The following ADAM19 variants were observed in gnomAD, a reference collection of about 807,000 sequenced individuals.
ADAM19 encodes the protein disintegrin and metalloproteinase domain-containing protein 19.
Under a neutral mutation model 114.7 loss-of-function variants are expected in ADAM19, and 65 were observed. The observed-to-expected ratio is 0.57, with a 90% confidence interval of 0.46 to 0.70. The LOEUF is 0.70. Ranked by LOEUF, ADAM19 falls within the 30% of genes least tolerant of loss-of-function variation. ADAM19 has a pLI of 0.00. For missense variants in ADAM19, 1,063 were observed against 1,204.7 expected, an observed-to-expected ratio of 0.88 and a Z score of 1.74; for synonymous variants, 466 against 460.5, an observed-to-expected ratio of 1.01 and a Z score of -0.15.
chr5:157,554,161 G>A (rs1757281520), intron 3 of ADAM19, among the ~76,000 whole-genome samples: 1 of 152,180 alleles, frequency 6.6e-6, no homozygotes, highest in African/African-American at 2.4e-5. Flanking sequence ...AGCTATTGTT[G>A]TTATCTGAAG....
rs1307456474 is a variant in ADAM19, at chr5:157,513,416, G to A, written c.738+18C>T. ...TGGCACCTGGCACCTTTCCCACAAA[G>A]TACACACCTGGTCTCACCTTATCAA... On this transcript the variant is annotated intron_variant, in intron 8 of 22. Transcript: ENST00000257527. 6.2e-7 allele frequency: 1 copy of A among 1,612,940 alleles called. No individual in the cohort carries two copies.
chr5:157,509,165 C>A (rs561417435), intron 9 of ADAM19, 136 bp downstream of exon 9: 15 of 837,974 alleles, frequency 1.8e-5, no homozygotes, highest in Non-Finnish European at 2.6e-5. Context: ...TTAGGAAATG[C>A]CTGATTCTCT....
chr5:157,478,649 C>T lies in ADAM19; in HGVS notation c.*2300G>A. 1.0e-6 allele frequency: 1 copy of T among 985,854 alleles called. No individual in the cohort carries two copies. The highest frequency in any genetic ancestry group is 1.2e-6 in the Non-Finnish European group (1 of 829,938). 61.1% of individuals were successfully genotyped at this position (985,854 alleles called of 1,614,324 possible). ...CCTGGGCAGCCTCCCTGAACAGAGCCAGGAGTGAAGCATTAGTAGAACTGG... is the reference window on the plus strand; with the variant it reads ...CCTGGGCAGCCTCCCTGAACAGAGCTAGGAGTGAAGCATTAGTAGAACTGG... On this transcript the variant is annotated 3_prime_UTR_variant, in exon 23 of 23. Transcript: ENST00000257527.
At chr5:157,486,122 G>C (rs1754923767) in intron 21 of ADAM19, among the ~76,000 whole-genome samples, 1 of 152,220 alleles carries the variant, frequency 6.6e-6, no homozygotes, top group African/African-American at 2.4e-5. Context: ...TGGAGACTGT[G>C]AGTGGCCCCA....
chr5:157,544,864 C>G (rs1446371758), intron 3 of ADAM19, among the ~76,000 whole-genome samples: 4 of 151,870 alleles, frequency 2.6e-5, no homozygotes, highest in African/African-American at 9.7e-5. Context: ...CCACAGAAAA[C>G]CTGAAGGGAA....
At chr5:157,499,538 C>T in intron 13 of ADAM19, 35 bp downstream of exon 13, 1 of 1,575,014 alleles carries the variant, frequency 6.3e-7, no homozygotes, top group Non-Finnish European at 8.7e-7. Context: ...CACTGTCAGG[C>T]CAGGGCCCAA....
Position 157,519,283 on chromosome 5 carries a change from C to G in ADAM19, c.601-395G>C, listed in dbSNP as rs143204860. On this transcript the variant is annotated intron_variant, in intron 6 of 22. Coordinates refer to ENST00000257527, the MANE Select transcript of ADAM19 (RefSeq NM_033274.5). ...GGACTGTGTGCATATGGTGTAGTGT[C>G]TACTCCAATAGGGAAAGCATACTTT... 4.2e-3 allele frequency among the ~76,000 whole-genome samples: 637 copies of G among 152,298 alleles called. 5 individuals are homozygous for G. Among genetic ancestry groups the G allele is most frequent in the African/African-American group, 0.014 (595 of 41,566 alleles).
Position 157,565,702 on chromosome 5 carries a change from C to T in ADAM19, c.181-1259G>A, listed in dbSNP as rs1030640165. ...CCAGCCTGGGTGACAGAGCGAGACA[C>T]TCTCTCTCAAAAAAAAAAAAAAATG... is the stretch of plus-strand genomic sequence containing the variant. On this transcript the variant is annotated intron_variant, in intron 2 of 22. Coordinates refer to ENST00000257527, the MANE Select transcript of ADAM19 (RefSeq NM_033274.5). Among the ~76,000 whole-genome samples, 6 of 144,300 alleles carry T rather than the reference C, an allele frequency of 4.2e-5. No homozygotes were observed. The East Asian group carries it at 6.0e-4, about 15-fold the overall frequency. 94.7% of individuals were successfully genotyped at this position (144,300 alleles called of 152,430 possible).
chr5:157,494,531 T>C (rs1254063338), intron 15 of ADAM19, among the ~76,000 whole-genome samples, 156 bp downstream of exon 15: 1 of 152,114 alleles, frequency 6.6e-6, no homozygotes, highest in Non-Finnish European at 1.5e-5. Flanking sequence ...AAGTGCATTG[T>C]CAAACAGGGG....
At position 157,478,677 on chromosome 5, in the gene ADAM19, GCCGAAAGTCTAT is replaced by G; in HGVS notation, c.*2260_*2271del. The G allele has an allele frequency of 2.0e-6, 2 of 985,894 alleles. No individual in the cohort carries two copies. Among genetic ancestry groups the G allele is most frequent in the Non-Finnish European group, 2.4e-6 (2 of 829,950 alleles). 61.1% of individuals were successfully genotyped at this position (985,894 alleles called of 1,614,324 possible). On this transcript the variant is annotated 3_prime_UTR_variant, in exon 23 of 23. Coordinates refer to ENST00000257527, the MANE Select transcript of ADAM19 (RefSeq NM_033274.5). ...GAGTGAAGCATTAGTAGAACTGGTTGCCGAAAGTCTATCAAATTCCAAAACATTCCACCATCT... is the reference window on the plus strand; with the variant it reads ...GAGTGAAGCATTAGTAGAACTGGTTGCAAATTCCAAAACATTCCACCATCT...
intron 20 of ADAM19, among the ~76,000 whole-genome samples, 195 bp downstream of exon 20, chr5:157,488,907 G>A (rs1755051851): frequency 6.6e-6 from 1 of 152,196 alleles, no homozygotes; most frequent in African/African-American, 2.4e-5. Context: ...GTGGGCACCT[G>A]TAGTCCCAGC....
chr5:157,551,408 A>G (rs1049599354), intron 3 of ADAM19, among the ~76,000 whole-genome samples: 1 of 37,708 alleles, frequency 2.7e-5, no homozygotes, highest in African/African-American at 1.3e-4. Flanking sequence ...TGTCCCCCCA[A>G]CCCCAAAAAA....
chr5:157,491,645 T>C lies in ADAM19; in HGVS notation c.2065A>G (p.Ser689Gly). 6.4e-7 allele frequency: 1 copy of C among 1,550,942 alleles called. No individual in the cohort carries two copies. Among genetic ancestry groups the C allele is most frequent in the Non-Finnish European group, 8.7e-7 (1 of 1,147,846 alleles). The change falls in exon 18 of 23, where the codon AGT (serine) becomes GGT (glycine). Residue 689 changes from serine to glycine, a missense_variant. Physicochemically the swap from Ser to Gly is moderately conservative, Grantham distance 56 (BLOSUM62 0). Around this residue, in one of 3 missense-constraint regions of ADAM19, gnomAD observed 424 missense variants for 445.5 expected, o/e 0.95. Coordinates refer to ENST00000257527, the MANE Select transcript of ADAM19 (RefSeq NM_033274.5). ...GGGGGCATAGGCCCACTGTCGATAC[T>C]GCCCCCGTGGCCCGGTGTGTTGCAG... is the stretch of plus-strand genomic sequence containing the variant. ...PFCNTPGHGG[S>G]IDSGPMPPES... is the part of the protein sequence containing the mutation.
chr5:157,520,951 C>T lies in ADAM19; in HGVS notation c.408-920G>A, dbSNP rs547085016. 2.1e-4 allele frequency among the ~76,000 whole-genome samples: 32 copies of T among 152,328 alleles called. 1 individual carries two copies. The highest frequency in any genetic ancestry group is 6.0e-4 in the African/African-American group (25 of 41,574). ...ACAAACATTTACTGGGCTCCTGCTACGGGCCAGGTATCATGCCAGTTGCTG... is the reference window on the plus strand; with the variant it reads ...ACAAACATTTACTGGGCTCCTGCTATGGGCCAGGTATCATGCCAGTTGCTG... On this transcript the variant is annotated intron_variant, in intron 5 of 22. Transcript: ENST00000257527.
At chr5:157,487,031 C>T (rs1052893785) in intron 21 of ADAM19, among the ~76,000 whole-genome samples, 4 of 152,164 alleles carry the variant, frequency 2.6e-5, no homozygotes, top group African/African-American at 7.2e-5. Context: ...CAGAGAGAGG[C>T]TTCAGAAATC....
At chr5:157,514,483 T>C (rs1293506880) in intron 7 of ADAM19, among the ~76,000 whole-genome samples, 1 of 152,102 alleles carries the variant, frequency 6.6e-6, no homozygotes, top group African/African-American at 2.4e-5. Flanking sequence ...CTCGCCACCA[T>C]GGCCAGCTAA....
Position 157,499,358 on chromosome 5 carries a change from C to T in ADAM19, c.1398+215G>A, listed in dbSNP as rs114774707. ...AAAAAAAGTACCATTTCCAAAGAAGCGCCACCCTCCTCTGGGATGATCTGA... is the reference window on the plus strand; with the variant it reads ...AAAAAAAGTACCATTTCCAAAGAAGTGCCACCCTCCTCTGGGATGATCTGA... On this transcript the variant is annotated intron_variant, in intron 13 of 22. Coordinates refer to ENST00000257527, the MANE Select transcript of ADAM19 (RefSeq NM_033274.5). Among the ~76,000 whole-genome samples the T allele has an allele frequency of 2.8e-3, 424 of 152,216 alleles. 1 individual carries two copies. The highest frequency in any genetic ancestry group is 9.9e-3 in the African/African-American group (413 of 41,542).
At chr5:157,495,175 A>T (rs552610468) in intron 14 of ADAM19, among the ~76,000 whole-genome samples, 158 of 151,386 alleles carry the variant, frequency 1.0e-3, no homozygotes, top group African/African-American at 3.0e-3. Flanking sequence ...TTATTTATTT[A>T]TTTTTTTTGT....
chr5:157,488,390 C>T lies in ADAM19; in HGVS notation c.2425G>A (p.Ala809Thr). ...RGGSPPAPLP[A>T]HLSRAARNSP... ...TTCCTAGCAGCCCTGCTCAGGTGAG[C>T]TGGCAGTGGTGCAGGTGGGGACCCA... The change falls in exon 21 of 23, where the codon GCT (alanine) becomes ACT (threonine). Residue 809 changes from alanine (A) to threonine (T), a missense_variant. This residue lies in a region of ADAM19 where 424 missense variants were observed against 445.5 expected (regional missense o/e 0.95). Coordinates refer to ENST00000257527, the MANE Select transcript of ADAM19 (RefSeq NM_033274.5). 1.2e-6 allele frequency: 2 copies of T among 1,614,132 alleles called. No individual in the cohort carries two copies. The highest frequency in any genetic ancestry group is 2.2e-5 in the South Asian group (2 of 91,086).
Sources: gnomAD v4.1 joint callset for allele counts (sites outside exome capture counted in the v4.1 genomes callset) on GRCh38, gnomAD v4.1.1 for gene constraint, gnomAD v4.1.1 regional missense constraint, MANE v1.5 for transcripts, NCBI Gene and HGNC (gene_info 2026-07-23, HGNC 2026-07-21) for gene names.